The following ATP2B2 variants were observed in gnomAD, a reference collection of about 807,000 sequenced individuals.
ATP2B2 encodes ATPase plasma membrane Ca2+ transporting 2, also known as plasma membrane calcium-transporting ATPase 2.
Under a neutral mutation model 120.0 loss-of-function variants are expected in ATP2B2, and 15 were observed. The ratio of observed to expected loss-of-function variants is 0.12; its 90% CI spans 0.08 to 0.19. ATP2B2 has a LOEUF of 0.19. Ranked by LOEUF, ATP2B2 falls within the 10% of genes least tolerant of loss-of-function variation. The pLI is 1.00. For missense variants in ATP2B2, 1,045 were observed against 1,719.8 expected, an observed-to-expected ratio of 0.61 and a Z score of 6.94; for synonymous variants, 694 against 700.3, an observed-to-expected ratio of 0.99 and a Z score of 0.14.
In ATP2B2 at chr3:10,388,394, C is replaced by T; in HGVS notation, c.790G>A (p.Val264Met). The T allele has an allele frequency of 6.2e-6, 10 of 1,614,114 alleles. No individual in the cohort carries two copies. Among genetic ancestry groups the T allele is most frequent in the East Asian group, 2.2e-5 (1 of 44,878 alleles). ...AACATCCGTCCTGAGCCCTCCATCA[C>T]GTGGGTTCCTGGGAAAGGGGACAAA... ...KDPMLLSGTH[V>M]MEGSGRMLVT... The change falls in exon 6 of 23, where the codon GTG becomes ATG. Residue 264 changes from valine (V) to methionine (M), a missense_variant. Val to Met is a conservative substitution (Grantham distance 21). Transcript: ENST00000360273.
chr3:10,371,876 T>C lies in ATP2B2; in HGVS notation c.1592A>G (p.Asn531Ser). The change falls in exon 12 of 23, where the codon AAC (asparagine) becomes AGC (serine). Residue 531 changes from asparagine (N) to serine (S), a missense_variant. Asn to Ser is a conservative substitution (Grantham distance 46). Coordinates refer to ENST00000360273, the MANE Select transcript of ATP2B2 (RefSeq NM_001001331.4). ...GATCAGCAGCTCCATGGTCTTGGTGTTGATGGAGCTGGGGTCGGGGATCTC... is the reference window on the plus strand; with the variant it reads ...GATCAGCAGCTCCATGGTCTTGGTGCTGATGGAGCTGGGGTCGGGGATCTC... Reference protein sequence around the residue: ...YKEIPDPSSINTKTMELLINA... With the variant: ...YKEIPDPSSISTKTMELLINA... 1.2e-6 allele frequency: 2 copies of C among 1,614,182 alleles called. No individual in the cohort carries two copies. The highest frequency in any genetic ancestry group is 8.5e-7 in the Non-Finnish European group (1 of 1,180,030).
chr3:10,690,446 A>G (rs1209510963), intron 1 of ATP2B2, among the ~76,000 whole-genome samples: 15 of 151,816 alleles, frequency 9.9e-5, no homozygotes, highest in Admixed American at 9.8e-4. Context: ...CTATCTATCT[A>G]TCTATCTATC....
At chr3:10,694,960 G>C (rs926764923) in intron 1 of ATP2B2, among the ~76,000 whole-genome samples, 4 of 151,956 alleles carry the variant, frequency 2.6e-5, no homozygotes, top group African/African-American at 4.8e-5. Flanking sequence ...TTTCCAGTGT[G>C]ATGTTGTGGC....
At chr3:10,383,444 C>T (rs1004683352) in intron 8 of ATP2B2, among the ~76,000 whole-genome samples, 1 of 152,216 alleles carries the variant, frequency 6.6e-6, no homozygotes, top group African/African-American at 2.4e-5. Context: ...TCCAGTGGTT[C>T]TCAAACATCT....
At chr3:10,626,284 C>T (rs1425097236) in intron 1 of ATP2B2, 1 of 152,232 alleles carries the variant, frequency 6.6e-6, no homozygotes, top group East Asian at 1.9e-4. Context: ...GGGACTCCGG[C>T]CTTTTTCCAC....
chr3:10,606,829 GC>G (rs762193009), intron 2 of ATP2B2, among the ~76,000 whole-genome samples: 5 of 150,870 alleles, frequency 3.3e-5, no homozygotes, highest in Non-Finnish European at 7.4e-5. Flanking sequence ...TATCCCCAGG[GC>G]CTGGCACATA....
chr3:10,501,692 G>A (rs1231176343), intron 1 of ATP2B2, among the ~76,000 whole-genome samples: 1 of 152,174 alleles, frequency 6.6e-6, no homozygotes, highest in East Asian at 1.9e-4. Context: ...CAGGGGCTAG[G>A]GGTTGGTAGG....
intron 1 of ATP2B2, among the ~76,000 whole-genome samples, chr3:10,642,283 G>A (rs1419276502): frequency 6.6e-6 from 1 of 152,190 alleles, no homozygotes; most frequent in African/African-American, 2.4e-5. Flanking sequence ...ACAGCACTTT[G>A]AACAGTACCT....
At chr3:10,590,534 G>A (rs2068618959) in intron 2 of ATP2B2, among the ~76,000 whole-genome samples, 1 of 152,234 alleles carries the variant, frequency 6.6e-6, no homozygotes, top group Non-Finnish European at 1.5e-5. Flanking sequence ...GCCTAGGGCT[G>A]GCAGGTGCCT....
chr3:10,363,586 G>C (rs1289994041), intron 12 of ATP2B2, among the ~76,000 whole-genome samples: 1 of 152,178 alleles, frequency 6.6e-6, no homozygotes, highest in African/African-American at 2.4e-5. Context: ...GGGATGCTGG[G>C]AAGTGAATGG....
intron 1 of ATP2B2, among the ~76,000 whole-genome samples, chr3:10,638,722 G>A (rs1312370615): frequency 1.3e-5 from 2 of 152,148 alleles, no homozygotes; most frequent in Admixed American, 6.6e-5. Context: ...TAAGAAATGT[G>A]CTTCAAATAT....
chr3:10,348,425 T>G (rs12630886), intron 16 of ATP2B2, among the ~76,000 whole-genome samples: 1 of 152,218 alleles, frequency 6.6e-6, no homozygotes, highest in Non-Finnish European at 1.5e-5. Flanking sequence ...AACCCTCCCA[T>G]GTTCCTGTGC....
intron 1 of ATP2B2, among the ~76,000 whole-genome samples, chr3:10,692,319 C>A (rs573511750): frequency 1.5e-3 from 235 of 152,342 alleles, no homozygotes; most frequent in African/African-American, 4.2e-3. Context: ...CCTCTCCCCC[C>A]AACCGTCATT....
intron 2 of ATP2B2, among the ~76,000 whole-genome samples, chr3:10,548,981 T>C (rs560307602): frequency 1.5e-4 from 23 of 152,324 alleles, no homozygotes. Flanking sequence ...ACCAGGTCCA[T>C]TCATTTATTC....
chr3:10,668,079 G>C (rs11718643), intron 1 of ATP2B2, among the ~76,000 whole-genome samples: 4,202 of 152,282 alleles, frequency 0.028, 62 homozygotes, highest in South Asian at 0.091. Context: ...TCCTGGTGCC[G>C]CGTGACCTTA....
chr3:10,528,843 C>T (rs969897932), intron 3 of ATP2B2, among the ~76,000 whole-genome samples: 64 of 152,296 alleles, frequency 4.2e-4, no homozygotes, highest in African/African-American at 1.3e-3. Context: ...CCCGTGATCC[C>T]GGCTACTTGC....
chr3:10,515,579 C>G (rs1456718787), intron 3 of ATP2B2, among the ~76,000 whole-genome samples: 2 of 152,124 alleles, frequency 1.3e-5, no homozygotes, highest in Non-Finnish European at 2.9e-5. Flanking sequence ...CAGCCTCTGC[C>G]TGAAAACCCA....
upstream of ATP2B2, among the ~76,000 whole-genome samples, chr3:10,506,748 G>A (rs1176437475): frequency 6.6e-6 from 1 of 152,270 alleles, no homozygotes. Flanking sequence ...TGGGGGACAG[G>A]GGCAGGGCTG....
chr3:10,473,758 C>T (rs1025531580), intron 1 of ATP2B2, among the ~76,000 whole-genome samples: 1 of 152,170 alleles, frequency 6.6e-6, no homozygotes, highest in Non-Finnish European at 1.5e-5. Flanking sequence ...TAGGCAAAGA[C>T]CCTGGAGGTG....
Sources: allele counts gnomAD v4.1 joint callset (sites outside exome capture counted in the v4.1 genomes callset), GRCh38; gene constraint gnomAD v4.1.1; transcripts MANE v1.5; gene names NCBI Gene and HGNC (gene_info 2026-07-23, HGNC 2026-07-21).